The following UBE3D variants were observed in gnomAD, a reference collection of about 807,000 sequenced individuals.
The protein encoded by UBE3D is ubiquitin protein ligase E3D.
UBE3D carries 48 observed loss-of-function variants against 49.6 expected under a neutral mutation model. The observed-to-expected ratio is 0.97, with a 90% CI of 0.77 to 1.23. UBE3D has a LOEUF of 1.23. Ranked by LOEUF, UBE3D falls within the 50% of genes most tolerant of loss-of-function variation. The pLI is 0.00. For missense variants in UBE3D, 452 were observed against 468.4 expected, an observed-to-expected ratio of 0.96 and a Z score of 0.32; for synonymous variants, 189 against 174.2, an observed-to-expected ratio of 1.08 and a Z score of -0.67.
intron 8 of UBE3D, among the ~76,000 whole-genome samples, chr6:82,985,008 C>CCTTTTTTTT (rs1442501883): frequency 9.4e-5 from 5 of 53,000 alleles, no homozygotes; most frequent in Non-Finnish European, 1.7e-4. Flanking sequence ...TCTTCTTCTT[C>CCTTTTTTTT]TTTTTTTTTT....
At chr6:83,000,845 CTTTT>C (rs36049759) in intron 8 of UBE3D, among the ~76,000 whole-genome samples, 1 of 140,972 alleles carries the variant, frequency 7.1e-6, no homozygotes. Flanking sequence ...AGCATCAATT[CTTTT>C]TTTTTTTTTT....
At chr6:82,948,136 C>T (rs1192516429) in intron 9 of UBE3D, among the ~76,000 whole-genome samples, 2 of 151,408 alleles carry the variant, frequency 1.3e-5, no homozygotes, top group Non-Finnish European at 3.0e-5. Flanking sequence ...GCCAGAATAA[C>T]TACGAAAACA....
intron 8 of UBE3D, among the ~76,000 whole-genome samples, chr6:82,964,813 T>C (rs1776794884): frequency 6.6e-6 from 1 of 152,214 alleles, no homozygotes; most frequent in African/African-American, 2.4e-5. Context: ...TGATGAGCCA[T>C]ATTGACTGCA....
intron 1 of UBE3D, among the ~76,000 whole-genome samples, 155 bp from the exon 2 acceptor site, chr6:83,058,177 A>G (rs988451424): frequency 6.6e-6 from 1 of 152,216 alleles, no homozygotes; most frequent in Non-Finnish European, 1.5e-5. Context: ...ATCATAAAGG[A>G]AAGCAACCTA....
intron 8 of UBE3D, among the ~76,000 whole-genome samples, chr6:82,991,594 C>T (rs933017890): frequency 5.3e-5 from 8 of 152,038 alleles, no homozygotes; most frequent in Non-Finnish European, 1.0e-4. Context: ...AAACTATGCT[C>T]CCACAGCTTA....
chr6:83,010,961 T>C (rs1486049778), intron 8 of UBE3D, among the ~76,000 whole-genome samples: 1 of 152,130 alleles, frequency 6.6e-6, no homozygotes, highest in Non-Finnish European at 1.5e-5. Context: ...TTATACTTAG[T>C]ATTAACCATC....
intron 7 of UBE3D, among the ~76,000 whole-genome samples, chr6:83,019,775 G>T (rs1385901556): frequency 6.6e-6 from 1 of 152,170 alleles, no homozygotes; most frequent in African/African-American, 2.4e-5. Flanking sequence ...ATCCATGGGG[G>T]AGTTCTACAG....
rs544502496 is a variant in UBE3D at position 82,938,004 on chromosome 6, CACA to C, written c.1149+19305_1149+19307del. 6.4e-4 allele frequency among the ~76,000 whole-genome samples: 98 copies of C among 152,244 alleles called. 1 individual carries two copies. The highest frequency in any genetic ancestry group is 2.2e-3 in the African/African-American group (91 of 41,552). ...GGGCGTGTGCGCGCGCACACACACA[CACA>C]ACAACCCTATGTAATCTGACTTTAT... On this transcript the variant is annotated intron_variant, in intron 9 of 9. Transcript: ENST00000369747.
the UBE3D span, among the ~76,000 whole-genome samples, chr6:82,885,988 G>T: frequency 2.6e-5 from 4 of 152,140 alleles, no homozygotes; most frequent in Non-Finnish European, 4.4e-5. Context: ...CTCCACAACT[G>T]CTGGGGTCCA....
At chr6:83,017,572 G>A (rs1227573969) in intron 8 of UBE3D, 2 of 152,232 alleles carry the variant, frequency 1.3e-5, no homozygotes, top group South Asian at 4.1e-4. Flanking sequence ...AAGTAAACCT[G>A]TTTCCTTTAG....
chr6:82,911,652 C>T (rs572156787), intron 9 of UBE3D, among the ~76,000 whole-genome samples: 1 of 152,126 alleles, frequency 6.6e-6, no homozygotes, highest in Non-Finnish European at 1.5e-5. Context: ...CATTGATCAG[C>T]TCTTTCAACA....
At chr6:83,015,798 C>T (rs1780659564) in intron 8 of UBE3D, among the ~76,000 whole-genome samples, 2 of 152,120 alleles carry the variant, frequency 1.3e-5, no homozygotes, top group South Asian at 4.1e-4. Flanking sequence ...AGGCCTGTTG[C>T]CTCAGGCAGT....
intron 5 of UBE3D, among the ~76,000 whole-genome samples, chr6:83,028,266 G>C (rs1480802870): frequency 6.6e-6 from 1 of 152,102 alleles, no homozygotes; most frequent in Non-Finnish European, 1.5e-5. Flanking sequence ...TGGAAGTCTA[G>C]TTTACTTGTG....
rs534877547 is a variant in UBE3D at position 82,964,442 on chromosome 6, A to G, written c.1011-6992T>C. Reference sequence around the variant, plus strand: ...TATTGTGTAGAGAAGAAAAAATGGTATGTATGAGAGAGCTCAAGATGAAAA... The same window carrying G: ...TATTGTGTAGAGAAGAAAAAATGGTGTGTATGAGAGAGCTCAAGATGAAAA... On this transcript the variant is annotated intron_variant, in intron 8 of 9. Transcript: ENST00000369747. Among the ~76,000 whole-genome samples, 163 of 152,340 alleles carry G rather than the reference A, an allele frequency of 1.1e-3. 1 individual carries two copies. Among genetic ancestry groups the G allele is most frequent in the African/African-American group, 3.5e-3 (147 of 41,582 alleles).
At chr6:82,932,882 T>C (rs2127746489) in intron 9 of UBE3D, among the ~76,000 whole-genome samples, 1 of 152,188 alleles carries the variant, frequency 6.6e-6, no homozygotes, top group Non-Finnish European at 1.5e-5. Context: ...TGCTAGAGCA[T>C]GGAGAGAGAG....
chr6:83,057,801 C>T (rs1263935045), intron 2 of UBE3D, 25 bp downstream of exon 2: 1 of 1,609,608 alleles, frequency 6.2e-7, no homozygotes, highest in South Asian at 1.1e-5. Flanking sequence ...GTAAATACAG[C>T]AGCAGAAGTG....
At chr6:83,065,494 G>GA in intron 1 of UBE3D, 148 bp downstream of exon 1, 1 of 715,988 alleles carries the variant, frequency 1.4e-6, no homozygotes, top group Non-Finnish European at 2.3e-6. Flanking sequence ...GACTACAGGG[G>GA]AAAGCTTCAC....
At chr6:82,907,107 A>G (rs1772157006) in intron 9 of UBE3D, among the ~76,000 whole-genome samples, 1 of 152,218 alleles carries the variant, frequency 6.6e-6, no homozygotes, top group South Asian at 2.1e-4. Context: ...AACTGCTTCC[A>G]GAAAAAGGCT....
intron 9 of UBE3D, among the ~76,000 whole-genome samples, chr6:82,914,016 G>C (rs1772724396): frequency 6.6e-6 from 1 of 152,150 alleles, no homozygotes; most frequent in Non-Finnish European, 1.5e-5. Context: ...TAGAGTTTAA[G>C]AGACAGAGAC....
Sources: allele counts gnomAD v4.1 joint callset (sites outside exome capture counted in the v4.1 genomes callset), GRCh38; gene constraint gnomAD v4.1.1; transcripts MANE v1.5; gene names NCBI Gene and HGNC (gene_info 2026-07-23, HGNC 2026-07-21).